Variants in ROBO2 observed in about 807,000 individuals in gnomAD.
ROBO2 encodes roundabout guidance receptor 2, also known as roundabout homolog 2.
A neutral mutation model predicts 160.8 loss-of-function variants in ROBO2; 53 were observed. The observed-to-expected ratio is 0.33, with a 90% CI of 0.26 to 0.41. The LOEUF (loss-of-function observed/expected upper bound fraction) is 0.41. ROBO2 is among the 10% of genes least tolerant of loss of function. The pLI is 1.00. For synonymous variants in ROBO2, 664 were observed against 611.7 expected, an observed-to-expected ratio of 1.09 and a Z score of -1.26; for missense variants, 1,577 against 1,722.4, an observed-to-expected ratio of 0.92 and a Z score of 1.49.
intron 2 of ROBO2, among the ~76,000 whole-genome samples, chr3:76,067,455 C>G (rs989666781): frequency 6.6e-6 from 1 of 151,730 alleles, no homozygotes; most frequent in Non-Finnish European, 1.5e-5. Flanking sequence ...CTGTGATTCA[C>G]TGCTTTTCTT....
rs548485002 is a variant in ROBO2 at position 76,727,010 on chromosome 3, T to C, written c.110-371004T>C. ...GGAACTGATGTTCCCAATGATCGAG[T>C]CATTACATTCTTTGAGCATTTCTTT... On this transcript the variant is annotated intron_variant, in intron 2 of 26. Coordinates refer to the ROBO2 transcript ENST00000487694. 2.1e-4 allele frequency among the ~76,000 whole-genome samples: 32 copies of C among 152,266 alleles called. 1 individual carries two copies. Among genetic ancestry groups the C allele is most frequent in the African/African-American group, 7.5e-4 (31 of 41,552 alleles).
At chr3:76,283,061 A>G (rs1310625082) in intron 2 of ROBO2, among the ~76,000 whole-genome samples, 1 of 142,842 alleles carries the variant, frequency 7.0e-6, no homozygotes, top group Non-Finnish European at 1.5e-5. Flanking sequence ...TTGTTTCATT[A>G]CAAGTCTAAA....
intron 2 of ROBO2, among the ~76,000 whole-genome samples, chr3:76,829,198 C>T (rs2066850272): frequency 6.6e-6 from 1 of 152,138 alleles, no homozygotes; most frequent in East Asian, 1.9e-4. Context: ...TGTCTTCTTC[C>T]TCACCTTTAA....
intron 2 of ROBO2, among the ~76,000 whole-genome samples, chr3:76,140,427 A>G (rs2071588951): frequency 6.6e-6 from 1 of 151,950 alleles, no homozygotes; most frequent in South Asian, 2.1e-4. Flanking sequence ...TTATTAACTG[A>G]TTTAATCTTC....
intron 2 of ROBO2, among the ~76,000 whole-genome samples, chr3:77,198,976 A>C (rs899006772): frequency 6.6e-6 from 1 of 152,148 alleles, no homozygotes; most frequent in Non-Finnish European, 1.5e-5. Flanking sequence ...CTCTATGTTA[A>C]TGTCCTTGGC....
intron 5 of ROBO2, among the ~76,000 whole-genome samples, chr3:77,513,799 C>T (rs537836064): frequency 1.3e-5 from 2 of 151,812 alleles, no homozygotes; most frequent in African/African-American, 2.4e-5. Flanking sequence ...TCTCAATTCA[C>T]GGTACAGTGA....
At chr3:76,299,093 G>A (rs931862303) in intron 2 of ROBO2, among the ~76,000 whole-genome samples, 1 of 152,120 alleles carries the variant, frequency 6.6e-6, no homozygotes, top group Non-Finnish European at 1.5e-5. Flanking sequence ...TGAATACAAC[G>A]AACACAAATT....
chr3:77,444,793 A>G (rs971461381), intron 2 of ROBO2, among the ~76,000 whole-genome samples: 3 of 152,206 alleles, frequency 2.0e-5, no homozygotes, highest in Non-Finnish European at 2.9e-5. Context: ...TTTAAGCTAT[A>G]TAATGTATAG....
At chr3:76,481,510 G>C (rs1183168324) in intron 2 of ROBO2, among the ~76,000 whole-genome samples, 1 of 152,072 alleles carries the variant, frequency 6.6e-6, no homozygotes, top group Non-Finnish European at 1.5e-5. Context: ...TTACTGCATG[G>C]TCAATGCATA....
At chr3:76,905,966 A>T (rs2075575252) in intron 2 of ROBO2, among the ~76,000 whole-genome samples, 2 of 152,156 alleles carry the variant, frequency 1.3e-5, no homozygotes, top group Admixed American at 1.3e-4. Flanking sequence ...GATAGTTTTG[A>T]AGACAAGTAT....
intron 2 of ROBO2, among the ~76,000 whole-genome samples, chr3:77,195,633 C>T (rs2082242712): frequency 6.6e-6 from 1 of 152,126 alleles, no homozygotes. Context: ...ACATTCTAGG[C>T]TTGCTTTATA....
rs192493390 is a variant in ROBO2 at position 77,032,849 on chromosome 3, A to T, written c.110-65165A>T. Among the ~76,000 whole-genome samples the T allele has an allele frequency of 2.4e-3, 364 of 152,276 alleles. 4 individuals are homozygous for T. Among genetic ancestry groups the T allele is most frequent in the African/African-American group, 8.0e-3 (333 of 41,550 alleles). ...GTATAGGTGAGACCTTAGAGGGCAAATCTAGAAGTGCCTGGATTCCATTGG... is the reference window on the plus strand; with the variant it reads ...GTATAGGTGAGACCTTAGAGGGCAATTCTAGAAGTGCCTGGATTCCATTGG... On this transcript the variant is annotated intron_variant, in intron 2 of 26. Coordinates refer to the ROBO2 transcript ENST00000487694.
chr3:76,224,729 A>G (rs1173814746), intron 2 of ROBO2, among the ~76,000 whole-genome samples: 1 of 70,688 alleles, frequency 1.4e-5, no homozygotes, highest in African/African-American at 5.0e-5. Flanking sequence ...GTATCCACAA[A>G]CTAGCACATT....
intron 2 of ROBO2, among the ~76,000 whole-genome samples, chr3:76,556,511 C>G (rs931411202): frequency 1.3e-5 from 2 of 152,018 alleles, no homozygotes; most frequent in Non-Finnish European, 2.9e-5. Context: ...AGTATTGTGA[C>G]AGTTGATACA....
chr3:77,179,343 T>C (rs1258602604), intron 2 of ROBO2, among the ~76,000 whole-genome samples: 1 of 151,986 alleles, frequency 6.6e-6, no homozygotes, highest in African/African-American at 2.4e-5. Context: ...TGAAGACTCA[T>C]GTACGTATTT....
At chr3:77,166,005 A>G (rs2079041242) in intron 2 of ROBO2, among the ~76,000 whole-genome samples, 1 of 152,166 alleles carries the variant, frequency 6.6e-6, no homozygotes, top group Non-Finnish European at 1.5e-5. Context: ...GTACCATTTG[A>G]GTGTGTTATT....
chr3:77,427,596 A>G (rs555959649), intron 2 of ROBO2, among the ~76,000 whole-genome samples: 2 of 152,304 alleles, frequency 1.3e-5, no homozygotes, highest in African/African-American at 4.8e-5. Context: ...CCTGGATGTT[A>G]GTTGATTTCC....
chr3:75,976,864 G>A (rs578208853), intron 2 of ROBO2, among the ~76,000 whole-genome samples: 190 of 151,518 alleles, frequency 1.3e-3, no homozygotes, highest in African/African-American at 4.4e-3. Flanking sequence ...TGTGGAAAGG[G>A]TTACTCCATA....
intron 2 of ROBO2, among the ~76,000 whole-genome samples, chr3:77,027,195 A>G (rs1245087346): frequency 6.6e-6 from 1 of 152,184 alleles, no homozygotes; most frequent in Non-Finnish European, 1.5e-5. Flanking sequence ...GAAGCCTGAC[A>G]AACAATAATG....
Sources: allele counts gnomAD v4.1 joint callset (sites outside exome capture counted in the v4.1 genomes callset), GRCh38; gene constraint gnomAD v4.1.1; transcripts MANE v1.5; gene names NCBI Gene and HGNC (gene_info 2026-07-23, HGNC 2026-07-21).